MEI4: variants seen among roughly 807,000 people sequenced by gnomAD.
The protein encoded by MEI4 is meiotic double-stranded break formation protein 4.
MEI4 carries 27 observed loss-of-function variants against 31.4 expected under a neutral mutation model. The ratio of observed to expected loss-of-function variants is 0.86; its 90% CI spans 0.63 to 1.19. MEI4 has a LOEUF of 1.19. MEI4 is among the 50% of genes most tolerant of loss of function. The probability of loss-of-function intolerance (pLI) is 0.00; values close to 1 mark genes in which losing one functional copy is unlikely to be tolerated. For missense variants in MEI4, 329 were observed against 398.9 expected (o/e 0.82, Z 1.49); for synonymous variants, 122 against 145.4 (o/e 0.84, Z 1.16).
In MEI4 at chr6:77,878,653, T is replaced by G. The variant is rs1383210659; in HGVS notation, c.901-44436T>G. ...CAGAGGTTTGCTGTTGTATTCTGTT[T>G]CCTTTTGTTTTCTTTATTTTTTTAA... On this transcript the variant is annotated intron_variant, in intron 4 of 4. Transcript: ENST00000684080. Among the ~76,000 whole-genome samples the G allele has an allele frequency of 3.9e-5, 6 of 152,250 alleles. No homozygotes were observed. The East Asian group carries it at 1.2e-3, about 29-fold the overall frequency.
intron 3 of MEI4, among the ~76,000 whole-genome samples, chr6:77,800,526 G>A (rs9448220): frequency 0.025 from 3,859 of 152,230 alleles, 157 homozygotes; most frequent in African/African-American, 0.085. Flanking sequence ...TTCCAACACT[G>A]TGTTGAATAG....
intron 4 of MEI4, among the ~76,000 whole-genome samples, chr6:77,910,206 A>G (rs1157387173): frequency 6.6e-6 from 1 of 152,146 alleles, no homozygotes; most frequent in Non-Finnish European, 1.5e-5. Flanking sequence ...AGTTCTGGCC[A>G]GGGCAATCAG....
At chr6:77,731,064 T>C (rs573056237) in intron 2 of MEI4, among the ~76,000 whole-genome samples, 1 of 152,104 alleles carries the variant, frequency 6.6e-6, no homozygotes, top group Admixed American at 6.5e-5. Flanking sequence ...CCTTTGCTAG[T>C]GTGACTAGTG....
At chr6:77,789,419 C>T (rs1768849017) in intron 3 of MEI4, among the ~76,000 whole-genome samples, 1 of 152,154 alleles carries the variant, frequency 6.6e-6, no homozygotes, top group South Asian at 2.1e-4. Flanking sequence ...TCTAATTAAG[C>T]TAAAGTGTTC....
At chr6:77,671,266 G>A (rs1220541543) in intron 1 of MEI4, among the ~76,000 whole-genome samples, 3 of 151,884 alleles carry the variant, frequency 2.0e-5, no homozygotes, top group Admixed American at 2.0e-4. Context: ...CACCATGTTG[G>A]CCAGGCTGGT....
intron 3 of MEI4, among the ~76,000 whole-genome samples, chr6:77,786,968 ATGCCTAT>A (rs1451204213): frequency 5.3e-5 from 8 of 152,218 alleles, no homozygotes; most frequent in Non-Finnish European, 1.2e-4. Context: ...GCTGGGAGAC[ATGCCTAT>A]CTGTGTTGCC....
chr6:77,746,641 G>A (rs1232678911), intron 2 of MEI4, among the ~76,000 whole-genome samples: 2 of 16,198 alleles, frequency 1.2e-4, no homozygotes, highest in African/African-American at 4.6e-4. Context: ...TATATGGCGT[G>A]TGTGTGTGTG....
chr6:77,795,021 G>A (rs1420867709), intron 3 of MEI4, among the ~76,000 whole-genome samples: 1 of 152,064 alleles, frequency 6.6e-6, no homozygotes, highest in East Asian at 1.9e-4. Flanking sequence ...AATATATTAA[G>A]ATGAAGAAAA....
chr6:77,792,800 A>T (rs200742833), intron 3 of MEI4, among the ~76,000 whole-genome samples: 4 of 151,314 alleles, frequency 2.6e-5, no homozygotes, highest in Non-Finnish European at 4.4e-5. Flanking sequence ...GCAAGCTCCA[A>T]CTCCTGGGTT....
Position 77,827,794 on chromosome 6 carries a change from G to A in MEI4, c.769-1137G>A, listed in dbSNP as rs531797943. Among the ~76,000 whole-genome samples, 6 of 152,114 alleles carry A rather than the reference G, an allele frequency of 3.9e-5. No individual in the cohort carries two copies. The South Asian group carries it at 6.2e-4, about 16-fold the overall frequency. On this transcript the variant is annotated intron_variant, in intron 3 of 4. Coordinates refer to ENST00000684080, the MANE Select transcript of MEI4 (RefSeq NM_001322247.2). ...CAAGTGTCAATTAAAATGTAAGGAAGAATAGAGATTATTTTAATAATATTC... is the reference window on the plus strand; with the variant it reads ...CAAGTGTCAATTAAAATGTAAGGAAAAATAGAGATTATTTTAATAATATTC...
intron 3 of MEI4, among the ~76,000 whole-genome samples, chr6:77,798,471 CTTTA>C (rs150348730): frequency 0.15 from 22,283 of 150,438 alleles, 1,667 homozygotes; most frequent in Middle Eastern, 0.21. Flanking sequence ...AGATGAGGCA[CTTTA>C]TTTATTTATT....
chr6:77,744,015 G>C (rs551577285), intron 2 of MEI4, among the ~76,000 whole-genome samples: 1 of 152,222 alleles, frequency 6.6e-6, no homozygotes, highest in South Asian at 2.1e-4. Context: ...CACAAAGACG[G>C]AGAAAAAACA....
chr6:77,925,738 T>C lies in MEI4; in HGVS notation c.*2392T>C, dbSNP rs951023166. ...GTGATGATAATTGCTATAACTCTTATACTATTTAATATAAGCTATAATAAA... is the reference window on the plus strand; with the variant it reads ...GTGATGATAATTGCTATAACTCTTACACTATTTAATATAAGCTATAATAAA... On this transcript the variant is annotated 3_prime_UTR_variant, in exon 5 of 5. Transcript: ENST00000684080. The C allele has an allele frequency of 6.7e-6, 1 of 149,414 alleles. No homozygotes were observed. Among genetic ancestry groups the C allele is most frequent in the East Asian group, 2.0e-4 (1 of 5,106 alleles). 9.3% of individuals were successfully genotyped at this position (149,414 alleles called of 1,614,324 possible).
chr6:77,651,147 G>T (rs917791264), upstream of MEI4, among the ~76,000 whole-genome samples: 5 of 152,196 alleles, frequency 3.3e-5, no homozygotes, highest in African/African-American at 4.8e-5. Flanking sequence ...GGGCTTGAGG[G>T]AGAAGCTTCA....
At chr6:77,844,219 C>G (rs933171271) in intron 4 of MEI4, among the ~76,000 whole-genome samples, 1 of 152,080 alleles carries the variant, frequency 6.6e-6, no homozygotes, top group African/African-American at 2.4e-5. Context: ...ATTTGTCTTT[C>G]TCTTGTCACA....
chr6:77,660,078 A>G (rs1420530886), intron 1 of MEI4, among the ~76,000 whole-genome samples: 1 of 151,874 alleles, frequency 6.6e-6, no homozygotes, highest in African/African-American at 2.4e-5. Flanking sequence ...AGGGCTGTTA[A>G]AGGAAGTTCG....
At chr6:77,888,844 G>A (rs746900317) in intron 4 of MEI4, among the ~76,000 whole-genome samples, 72 of 152,034 alleles carry the variant, frequency 4.7e-4, no homozygotes, top group Non-Finnish European at 4.3e-4. Context: ...TTGAATCATG[G>A]GGGCAGTTAC....
intron 4 of MEI4, among the ~76,000 whole-genome samples, chr6:77,873,357 T>G (rs1319202884): frequency 6.6e-6 from 1 of 152,258 alleles, no homozygotes; most frequent in African/African-American, 2.4e-5. Flanking sequence ...TGGCCAGTGA[T>G]GGTGAGCATT....
In MEI4 at chr6:77,771,711, C is replaced by T. The variant is rs376388621; in HGVS notation, c.768+10046C>T. On this transcript the variant is annotated intron_variant, in intron 3 of 4. Coordinates refer to ENST00000684080, the MANE Select transcript of MEI4 (RefSeq NM_001322247.2). ...ACAGAAATGAAATATTACATGTTCTCACTTATAAATGGGAGCTAAATAACA... is the reference window on the plus strand; with the variant it reads ...ACAGAAATGAAATATTACATGTTCTTACTTATAAATGGGAGCTAAATAACA... Among the ~76,000 whole-genome samples, 7 of 152,124 alleles carry T rather than the reference C, an allele frequency of 4.6e-5. No homozygotes were observed. The East Asian group carries it at 1.4e-3, about 29-fold the overall frequency.
Sources: allele counts gnomAD v4.1 joint callset (sites outside exome capture counted in the v4.1 genomes callset), GRCh38; gene constraint gnomAD v4.1.1; transcripts MANE v1.5; gene names NCBI Gene and HGNC (gene_info 2026-07-23, HGNC 2026-07-21).